Variants in LYZL4 observed in about 807,000 individuals in gnomAD.
The protein encoded by LYZL4 is lysozyme like 4, also known as lysozyme-like protein 4.
A neutral mutation model predicts 17.6 loss-of-function variants in LYZL4; 13 were observed. That is an observed-to-expected ratio of 0.74 (90% CI 0.48 to 1.18). LYZL4 has a LOEUF of 1.18. LYZL4 is among the 50% of genes most tolerant of loss of function. LYZL4 has a pLI of 0.00. For synonymous variants in LYZL4, 64 were observed against 67.7 expected, an observed-to-expected ratio of 0.95 and a Z score of 0.27; for missense variants, 174 against 188.2, an observed-to-expected ratio of 0.92 and a Z score of 0.44.
At chr3:42,373,806 A>C in the LYZL4 span, among the ~76,000 whole-genome samples, 1 of 152,176 alleles carries the variant, frequency 6.6e-6, no homozygotes, top group Non-Finnish European at 1.5e-5. Flanking sequence ...GTTAAAGTCC[A>C]GTGTCAGAAA....
chr3:42,362,212 A>C, the LYZL4 span, among the ~76,000 whole-genome samples: 1 of 152,334 alleles, frequency 6.6e-6, no homozygotes, highest in East Asian at 1.9e-4. Flanking sequence ...AATTATAATT[A>C]AAAAACAAAA....
At chr3:42,373,140 G>T in the LYZL4 span, among the ~76,000 whole-genome samples, 1 of 152,188 alleles carries the variant, frequency 6.6e-6, no homozygotes, top group South Asian at 2.1e-4. Context: ...GAACCCTGGA[G>T]GCAGAGGTTG....
At chr3:42,382,809 G>T in the LYZL4 span, among the ~76,000 whole-genome samples, 1 of 151,898 alleles carries the variant, frequency 6.6e-6, no homozygotes, top group African/African-American at 2.4e-5. Context: ...CAACTGGACA[G>T]CCTGCTAGAA....
chr3:42,409,111 G>A (rs1288962188), intron 1 of LYZL4, among the ~76,000 whole-genome samples: 1 of 152,164 alleles, frequency 6.6e-6, no homozygotes, highest in Non-Finnish European at 1.5e-5. Flanking sequence ...GAATCAGATT[G>A]CCTGGGTCCA....
chr3:42,397,294 C>G lies in LYZL4; in HGVS notation c.412G>C (p.Ala138Pro), dbSNP rs750169410. ...SRYCQYSDTLARWLDGCKL is the reference protein window; with the variant it reads ...SRYCQYSDTLPRWLDGCKL ...AGCTTGCAACCATCCAGCCACCGTG[C>G]CAGGGTATCGGAGTACTGGCAGTAC... The change falls in exon 5 of 5, where the codon GCA becomes CCA. Residue 138 changes from alanine (A) to proline (P), a missense_variant. Ala to Pro is a conservative substitution (Grantham distance 27, BLOSUM62 -1). Transcript: ENST00000287748. The G allele has an allele frequency of 6.4e-7, 1 of 1,571,646 alleles. No individual in the cohort carries two copies. The highest frequency in any genetic ancestry group is 1.8e-5 in the Admixed American group (1 of 54,604).
At chr3:42,360,907 T>G in the LYZL4 span, among the ~76,000 whole-genome samples, 6 of 152,320 alleles carry the variant, frequency 3.9e-5, no homozygotes, top group African/African-American at 1.4e-4. Flanking sequence ...TTAGGTTCCT[T>G]TAGCCAAGCC....
the LYZL4 span, among the ~76,000 whole-genome samples, chr3:42,373,007 G>C: frequency 6.6e-6 from 1 of 152,084 alleles, no homozygotes; most frequent in African/African-American, 2.4e-5. Flanking sequence ...AGGAGTTTGA[G>C]ACCAGCCTGG....
At chr3:42,405,905 T>G (rs1265224916) in intron 3 of LYZL4, among the ~76,000 whole-genome samples, 2 of 152,088 alleles carry the variant, frequency 1.3e-5, no homozygotes, top group Non-Finnish European at 2.9e-5. Flanking sequence ...ATTAATTAGA[T>G]GAATACTTAT....
At chr3:42,398,606 A>G (rs1340293719) in intron 4 of LYZL4, among the ~76,000 whole-genome samples, 1 of 152,142 alleles carries the variant, frequency 6.6e-6, no homozygotes, top group Non-Finnish European at 1.5e-5. Flanking sequence ...TATAAACCTG[A>G]GTCCCTACAC....
intron 3 of LYZL4, among the ~76,000 whole-genome samples, chr3:42,405,923 T>A (rs772766920): frequency 6.6e-6 from 1 of 152,146 alleles, no homozygotes; most frequent in Non-Finnish European, 1.5e-5. Flanking sequence ...TATAAAGGGC[T>A]TAAAAGAGTA....
chr3:42,374,239 A>G, the LYZL4 span, among the ~76,000 whole-genome samples: 2 of 152,248 alleles, frequency 1.3e-5, no homozygotes, highest in African/African-American at 4.8e-5. Flanking sequence ...TGAAAGGTTG[A>G]TCGATTTGCT....
chr3:42,381,417 T>C, the LYZL4 span, among the ~76,000 whole-genome samples: 1 of 152,176 alleles, frequency 6.6e-6, no homozygotes, highest in Admixed American at 6.6e-5. Context: ...AAATTTCACT[T>C]AAAAATAATG....
chr3:42,400,219 C>T (rs1362663724), intron 4 of LYZL4, among the ~76,000 whole-genome samples: 1 of 152,142 alleles, frequency 6.6e-6, no homozygotes, highest in Non-Finnish European at 1.5e-5. Flanking sequence ...CCCCCACCAC[C>T]CTACACTGAC....
intron 4 of LYZL4, among the ~76,000 whole-genome samples, chr3:42,397,589 G>C (rs1698574300): frequency 6.6e-6 from 1 of 152,090 alleles, no homozygotes; most frequent in Non-Finnish European, 1.5e-5. Context: ...AACCCCACAT[G>C]GTGAGATGAG....
chr3:42,384,077 A>G, the LYZL4 span, among the ~76,000 whole-genome samples: 15 of 152,326 alleles, frequency 9.8e-5, no homozygotes, highest in Admixed American at 7.8e-4. Flanking sequence ...AGTGTTAGAG[A>G]CAATCCTACA....
At chr3:42,410,171 G>A (rs960638433) in intron 1 of LYZL4, among the ~76,000 whole-genome samples, 1 of 152,144 alleles carries the variant, frequency 6.6e-6, no homozygotes, top group Non-Finnish European at 1.5e-5. Flanking sequence ...CCATACCTGA[G>A]TGTAAGCACC....
chr3:42,402,386 G>C (rs533833794), intron 4 of LYZL4, among the ~76,000 whole-genome samples: 7 of 145,856 alleles, frequency 4.8e-5, no homozygotes, highest in African/African-American at 1.8e-4. Flanking sequence ...ATGAAAGATA[G>C]TTGCAATACA....
chr3:42,407,146 G>A lies in LYZL4; in HGVS notation c.106C>T (p.Leu36=), dbSNP rs756375551. 8.1e-6 allele frequency: 13 copies of A among 1,614,040 alleles called. No homozygotes were observed. The Admixed American group carries it at 2.0e-4, about 25-fold the overall frequency. ...AGGCTATAGCCCTCAAAATAATCCA[G>A]GCCTCCATCGTGGAGTTTCTTAGCC... ...TVAKKLHDGG[L]DYFEGYSLEN... The change falls in exon 2 of 5, where the codon CTG becomes TTG. Residue 36 remains leucine (L), a synonymous_variant. Coordinates refer to ENST00000287748, the MANE Select transcript of LYZL4 (RefSeq NM_144634.4).
intron 3 of LYZL4, among the ~76,000 whole-genome samples, 175 bp from the exon 4 acceptor site, chr3:42,404,299 T>C (rs1698710519): frequency 6.6e-6 from 1 of 152,220 alleles, no homozygotes; most frequent in Admixed American, 6.5e-5. Context: ...TGGAGTCATC[T>C]TTTTACCAGA....
Sources: gnomAD v4.1 joint callset for allele counts (sites outside exome capture counted in the v4.1 genomes callset) on GRCh38, gnomAD v4.1.1 for gene constraint, MANE v1.5 for transcripts, NCBI Gene and HGNC (gene_info 2026-07-23, HGNC 2026-07-21) for gene names.